Variants in FBRSL1 observed in about 807,000 individuals in gnomAD.
The protein encoded by FBRSL1 is fibrosin-1-like protein.
FBRSL1 carries 51 observed loss-of-function variants against 89.6 expected under a neutral mutation model. The ratio of observed to expected loss-of-function variants is 0.57; its 90% CI spans 0.45 to 0.72. FBRSL1 has a LOEUF of 0.72. Ranked by LOEUF, FBRSL1 falls within the 30% of genes least tolerant of loss-of-function variation. The pLI is 0.00. For synonymous variants in FBRSL1, 779 were observed against 681.1 expected (o/e 1.14, Z -2.24); for missense variants, 1,618 against 1,451.8 (o/e 1.11, Z -1.86).
At position 132,551,859 on chromosome 12, in the gene FBRSL1, A is replaced by G. The variant is rs116061924; in HGVS notation, c.645+3827A>G. On this transcript the variant is annotated intron_variant, in intron 5 of 18. Coordinates refer to ENST00000680143, the MANE Select transcript of FBRSL1 (RefSeq NM_001367871.1). Reference sequence around the variant, plus strand: ...GGAAAAGTGTGGGGTGAAGAGCGATATGGGACTCCATAGGCAGCCGCCAGG... The same window carrying G: ...GGAAAAGTGTGGGGTGAAGAGCGATGTGGGACTCCATAGGCAGCCGCCAGG... 1,884 of 324,386 alleles carry G rather than the reference A, an allele frequency of 5.8e-3. 44 individuals are homozygous for G. The highest frequency in any genetic ancestry group is 0.038 in the African/African-American group (1,783 of 46,500). The allele number at this position is 324,386 out of a possible 1,614,324, so 20.1% of individuals were successfully genotyped here.
intron 4 of FBRSL1, among the ~76,000 whole-genome samples, chr12:132,534,526 G>A (rs142351670): frequency 0.015 from 2,275 of 152,298 alleles, 36 homozygotes; most frequent in Non-Finnish European, 0.023. Flanking sequence ...TTTTCTCCTC[G>A]CCACCTCCCT....
chr12:132,509,733 T>C, intron 2 of FBRSL1: 1 of 1,230,428 alleles, frequency 8.1e-7, no homozygotes, highest in African/African-American at 1.6e-5. Context: ...CCTGCGGCCG[T>C]GGGCCAGCCC....
chr12:132,529,106 C>T (rs750983130), intron 4 of FBRSL1, among the ~76,000 whole-genome samples: 1 of 152,194 alleles, frequency 6.6e-6, no homozygotes, highest in Non-Finnish European at 1.5e-5. Flanking sequence ...TGACGGCCTG[C>T]TGGGCTCGTG....
chr12:132,521,542 T>G (rs927906843), intron 2 of FBRSL1, among the ~76,000 whole-genome samples: 3 of 152,140 alleles, frequency 2.0e-5, no homozygotes, highest in African/African-American at 7.2e-5. Context: ...ACTCTCACCC[T>G]CGCTCCCAGG....
chr12:132,562,154 C>T (rs905749670), intron 5 of FBRSL1, among the ~76,000 whole-genome samples: 1 of 152,136 alleles, frequency 6.6e-6, no homozygotes, highest in Non-Finnish European at 1.5e-5. Context: ...AGTGGCTGGA[C>T]GGGGCAGGGA....
chr12:132,511,953 GCAT>G, intron 2 of FBRSL1: 1 of 984,662 alleles, frequency 1.0e-6, no homozygotes, highest in Non-Finnish European at 1.2e-6. Flanking sequence ...TTTTATAACA[GCAT>G]CAGCGTTTGT....
At position 132,499,555 on chromosome 12, in the gene FBRSL1, A is replaced by C. The variant is rs1203026787; in HGVS notation, c.292-8598A>C. 6.6e-6 allele frequency among the ~76,000 whole-genome samples: 1 copy of C among 152,204 alleles called. No homozygotes were observed. Among genetic ancestry groups the C allele is most frequent in the African/African-American group, 2.4e-5 (1 of 41,462 alleles). ...AAGGCTAGGAGTCACAGAGGAGGCC[A>C]CGAGGGCTTCTGGGGAAGAGTGCAG... is the stretch of plus-strand genomic sequence containing the variant. On this transcript the variant is annotated intron_variant, in intron 1 of 18. Coordinates refer to ENST00000680143, the MANE Select transcript of FBRSL1 (RefSeq NM_001367871.1). This position sits in a 1 kb window ranked among gnomAD's most constrained non-coding sequence, Gnocchi z 4.3.
intron 1 of FBRSL1, among the ~76,000 whole-genome samples, chr12:132,495,285 G>A (rs1215060984): frequency 6.6e-6 from 1 of 152,372 alleles, no homozygotes; most frequent in African/African-American, 2.4e-5. Flanking sequence ...GGCTGGAAGT[G>A]TGACCTGGCC....
At chr12:132,513,877 G>A (rs1046965318) in intron 2 of FBRSL1, among the ~76,000 whole-genome samples, 1 of 152,212 alleles carries the variant, frequency 6.6e-6, no homozygotes, top group Admixed American at 6.5e-5. Context: ...CCCCCAGGGA[G>A]GGAGGGGTGT....
At chr12:132,492,256 C>A (rs1281748559) in intron 1 of FBRSL1, among the ~76,000 whole-genome samples, 2 of 152,190 alleles carry the variant, frequency 1.3e-5, no homozygotes, top group Non-Finnish European at 2.9e-5. Flanking sequence ...TGTACCCTGC[C>A]GTTCTCTGTC....
At position 132,581,784 on chromosome 12, in the gene FBRSL1, G is replaced by T. The variant is rs1394997170; in HGVS notation, c.1956G>T (p.Leu652=). The T allele has an allele frequency of 6.5e-7, 1 of 1,549,440 alleles. No homozygotes were observed. The highest frequency in any genetic ancestry group is 2.0e-5 in the Admixed American group (1 of 50,904). Reference sequence around the variant, plus strand: ...GCACCTTTGGGGGCCTGGGCAGCCTGAGCAGCCACGCCTTTGGGGGCCTGG... The same window carrying T: ...GCACCTTTGGGGGCCTGGGCAGCCTTAGCAGCCACGCCTTTGGGGGCCTGG... ...RPSTFGGLGS[L]SSHAFGGLGS... is the part of the protein sequence containing the mutation. Residue 652 remains leucine, a synonymous_variant, in exon 17 of 19, where the codon CTG becomes CTT. Coordinates refer to ENST00000680143, the MANE Select transcript of FBRSL1 (RefSeq NM_001367871.1).
intron 5 of FBRSL1, among the ~76,000 whole-genome samples, chr12:132,561,481 GA>G (rs1480060610): frequency 2.0e-5 from 3 of 152,136 alleles, no homozygotes; most frequent in Non-Finnish European, 4.4e-5. Flanking sequence ...TTACCCTAGA[GA>G]CGAGGGCCGG....
intron 5 of FBRSL1, chr12:132,559,966 C>CG (rs2038970674): frequency 6.8e-6 from 1 of 147,776 alleles, no homozygotes; most frequent in Non-Finnish European, 1.5e-5. Flanking sequence ...TCCCGCGCGC[C>CG]CAGCTCCGCG....
At chr12:132,562,734 C>T (rs1008562210) in intron 5 of FBRSL1, among the ~76,000 whole-genome samples, 2 of 152,124 alleles carry the variant, frequency 1.3e-5, no homozygotes, top group Admixed American at 6.5e-5. Context: ...GGGGCCCTTC[C>T]GGCGCGTGTG....
Position 132,580,270 on chromosome 12 carries a change from T to C in FBRSL1, c.1835-1169T>C, listed in dbSNP as rs549027569. 7.2e-5 allele frequency among the ~76,000 whole-genome samples: 11 copies of C among 152,268 alleles called. No individual in the cohort carries two copies. The East Asian group carries it at 2.1e-3, about 29-fold the overall frequency. On this transcript the variant is annotated intron_variant, in intron 15 of 18. Transcript: ENST00000680143. ...ACCTGGCTAATTTTTGTATTTTTAG[T>C]AGAGACATGGTTTCACCATGTTGGC...
At chr12:132,544,455 A>G (rs982332732) in intron 4 of FBRSL1, among the ~76,000 whole-genome samples, 7 of 152,174 alleles carry the variant, frequency 4.6e-5, no homozygotes, top group African/African-American at 1.7e-4. Flanking sequence ...TGCCAGGGCT[A>G]AGAGACTCTA....
chr12:132,575,022 G>A (rs544895224), intron 14 of FBRSL1, among the ~76,000 whole-genome samples: 206 of 152,112 alleles, frequency 1.4e-3, no homozygotes, highest in African/African-American at 4.8e-3. Context: ...CGGGCAGCTC[G>A]GTGCAGGTCC....
Position 132,511,210 on chromosome 12 carries a change from C to T in FBRSL1, c.489+2860C>T, listed in dbSNP as rs925221384. The T allele has an allele frequency of 4.2e-5, 41 of 985,356 alleles. No individual in the cohort carries two copies. In the African/African-American group the frequency reaches 7.0e-4, roughly 17 times the overall value. The allele number at this position is 985,356 out of a possible 1,614,324, so 61.0% of individuals were successfully genotyped here. ...CCCACCCCCACCTCTCAGGACTCTG[C>T]CTCCACCACCCCCGTGGGCATGCAC... is the stretch of plus-strand genomic sequence containing the variant. On this transcript the variant is annotated intron_variant, in intron 2 of 18. Transcript: ENST00000680143.
At chr12:132,575,210 C>T (rs1011454696) in intron 14 of FBRSL1, among the ~76,000 whole-genome samples, 1 of 152,148 alleles carries the variant, frequency 6.6e-6, no homozygotes, top group Non-Finnish European at 1.5e-5. Context: ...TGGGACGGGA[C>T]TCAGAGCAGA....
Sources: allele counts gnomAD v4.1 joint callset (sites outside exome capture counted in the v4.1 genomes callset), GRCh38; gene constraint gnomAD v4.1.1; non-coding constraint Gnocchi (gnomAD v3.1); transcripts MANE v1.5; gene names NCBI Gene and HGNC (gene_info 2026-07-23, HGNC 2026-07-21).